The following XPR1 variants were observed in gnomAD, a reference collection of about 807,000 sequenced individuals.
XPR1 encodes xenotropic and polytropic retrovirus receptor 1.
Under a neutral mutation model 87.5 loss-of-function variants are expected in XPR1, and 28 were observed. That is an observed-to-expected ratio of 0.32 (90% CI 0.24 to 0.44). XPR1 has a LOEUF of 0.44. XPR1 is among the 20% of genes least tolerant of loss of function. The pLI is 1.00. For synonymous variants in XPR1, 300 were observed against 306.1 expected, an observed-to-expected ratio of 0.98 and a Z score of 0.21; for missense variants, 559 against 862.3, an observed-to-expected ratio of 0.65 and a Z score of 4.41.
At chr1:180,782,244 T>C (rs765276942) in intron 2 of XPR1, among the ~76,000 whole-genome samples, 6 of 152,048 alleles carry the variant, frequency 3.9e-5, no homozygotes, top group Non-Finnish European at 7.4e-5. Flanking sequence ...GCTTGCTCTC[T>C]CTGAACTAGG....
Position 180,884,107 on chromosome 1 carries a change from C to T in XPR1, c.*41C>T. The T allele has an allele frequency of 6.3e-7, 1 of 1,596,822 alleles. No individual in the cohort carries two copies. The highest frequency in any genetic ancestry group is 1.3e-5 in the African/African-American group (1 of 74,524). ...GCTTAACATCTTTGGTTTTCCTACT[C>T]TACAATCCTTTCCTCGACCAACGCA... On this transcript the variant is annotated 3_prime_UTR_variant, in exon 15 of 15. Coordinates refer to ENST00000367590, the MANE Select transcript of XPR1 (RefSeq NM_004736.4).
intron 1 of XPR1, among the ~76,000 whole-genome samples, chr1:180,636,503 A>T (rs563350938): frequency 2.0e-5 from 3 of 152,196 alleles, no homozygotes; most frequent in Non-Finnish European, 4.4e-5. Context: ...TGGAAAGATT[A>T]TACTTGTCCG....
intron 9 of XPR1, among the ~76,000 whole-genome samples, chr1:180,829,109 T>A (rs1650964600): frequency 6.6e-6 from 1 of 152,112 alleles, no homozygotes; most frequent in African/African-American, 2.4e-5. Context: ...GGGAGGAGGA[T>A]CGCTTGAGTC....
At chr1:180,658,470 C>T (rs371511713) in intron 1 of XPR1, among the ~76,000 whole-genome samples, 6 of 151,816 alleles carry the variant, frequency 4.0e-5, no homozygotes, top group South Asian at 2.1e-4. Context: ...TCTTCTATAC[C>T]GAGTTTTTTG....
At chr1:180,694,682 G>A (rs1657102331) in intron 2 of XPR1, among the ~76,000 whole-genome samples, 1 of 151,840 alleles carries the variant, frequency 6.6e-6, no homozygotes, top group Non-Finnish European at 1.5e-5. Context: ...TGGTGAGGAT[G>A]TATAAAGAAC....
At chr1:180,824,182 G>A (rs535890451) in intron 7 of XPR1, among the ~76,000 whole-genome samples, 2 of 152,174 alleles carry the variant, frequency 1.3e-5, no homozygotes, top group Admixed American at 6.5e-5. Flanking sequence ...TAGAACAATG[G>A]GATGACATGC....
chr1:180,632,338 G>A (rs1389812256), intron 1 of XPR1, 68 bp downstream of exon 1: 3 of 1,540,596 alleles, frequency 1.9e-6, no homozygotes, highest in South Asian at 2.4e-5. Context: ...GACGTCCACC[G>A]CCGCCTTCCG....
At chr1:180,778,141 C>T (rs1184982790) in intron 2 of XPR1, among the ~76,000 whole-genome samples, 1 of 152,008 alleles carries the variant, frequency 6.6e-6, no homozygotes, top group African/African-American at 2.4e-5. Flanking sequence ...CTACCACACC[C>T]AGCTAATTTT....
chr1:180,817,277 G>T (rs1650442241), intron 7 of XPR1, among the ~76,000 whole-genome samples: 1 of 151,850 alleles, frequency 6.6e-6, no homozygotes, highest in Admixed American at 6.6e-5. Flanking sequence ...GTGAGCTAAG[G>T]TTAATTTATT....
rs545457328 is a variant in XPR1, at chr1:180,720,011, C to A, written c.121+37600C>A. 3.3e-5 allele frequency among the ~76,000 whole-genome samples: 5 copies of A among 152,018 alleles called. No individual in the cohort carries two copies. In the Middle Eastern group the frequency reaches 0.014, roughly 416 times the overall value. On this transcript the variant is annotated intron_variant, in intron 2 of 14. Transcript: ENST00000367590. ...AATGAATATTGATGTGTTTTAGCAT[C>A]TTTCTAATTTTTTTTTCTTGGGGAT...
intron 1 of XPR1, among the ~76,000 whole-genome samples, chr1:180,679,098 G>A (rs888396355): frequency 6.6e-6 from 1 of 152,152 alleles, no homozygotes; most frequent in African/African-American, 2.4e-5. Flanking sequence ...GGGAGGCTGA[G>A]GCAGGAGAAT....
At chr1:180,677,351 C>T (rs552999626) in intron 1 of XPR1, among the ~76,000 whole-genome samples, 48 of 152,278 alleles carry the variant, frequency 3.2e-4, no homozygotes, top group South Asian at 8.3e-4. Context: ...CCTGAAAATT[C>T]GGGGACTGGA....
intron 1 of XPR1, among the ~76,000 whole-genome samples, chr1:180,675,435 G>C (rs894069267): frequency 2.0e-5 from 3 of 152,110 alleles, no homozygotes; most frequent in African/African-American, 4.8e-5. Flanking sequence ...TATCTGCCGA[G>C]GAACAAAAGG....
At chr1:180,825,968 A>G (rs567838561) in intron 9 of XPR1, among the ~76,000 whole-genome samples, 1 of 152,102 alleles carries the variant, frequency 6.6e-6, no homozygotes. Flanking sequence ...GAGAATCGCT[A>G]GAACCCCAGA....
intron 2 of XPR1, among the ~76,000 whole-genome samples, chr1:180,716,014 G>T (rs932450286): frequency 6.6e-6 from 1 of 152,126 alleles, no homozygotes; most frequent in African/African-American, 2.4e-5. Flanking sequence ...TATGTATGTG[G>T]CTCTCAATTC....
At chr1:180,854,746 G>A (rs993295811) in intron 11 of XPR1, among the ~76,000 whole-genome samples, 1 of 152,136 alleles carries the variant, frequency 6.6e-6, no homozygotes, top group African/African-American at 2.4e-5. Flanking sequence ...AAGTCTTGGC[G>A]GCTGATAATG....
chr1:180,671,136 A>G (rs1656155131), intron 1 of XPR1, among the ~76,000 whole-genome samples: 1 of 152,238 alleles, frequency 6.6e-6, no homozygotes, highest in South Asian at 2.1e-4. Context: ...AGATAAGCCT[A>G]GAAAGGTAGA....
chr1:180,658,166 G>T (rs60089269), intron 1 of XPR1, among the ~76,000 whole-genome samples: 3,222 of 152,206 alleles, frequency 0.021, 110 homozygotes, highest in African/African-American at 0.073. Context: ...CATTTGTTTA[G>T]CAATTCTAAT....
chr1:180,633,669 T>G (rs1654669981), intron 1 of XPR1, among the ~76,000 whole-genome samples: 1 of 152,232 alleles, frequency 6.6e-6, no homozygotes, highest in African/African-American at 2.4e-5. Context: ...CTTACAGTAT[T>G]TTGTGGCCAT....
Sources: allele counts gnomAD v4.1 joint callset (sites outside exome capture counted in the v4.1 genomes callset), GRCh38; gene constraint gnomAD v4.1.1; transcripts MANE v1.5; gene names NCBI Gene and HGNC (gene_info 2026-07-23, HGNC 2026-07-21).